Variants in FAM120B observed in about 807,000 individuals in gnomAD.
The protein encoded by FAM120B is family with sequence similarity 120 member B.
FAM120B carries 83 observed loss-of-function variants against 96.3 expected under a neutral mutation model. The observed-to-expected ratio is 0.86, with a 90% confidence interval of 0.72 to 1.03. The LOEUF (loss-of-function observed/expected upper bound fraction) is 1.03, where lower values mean the gene tolerates loss of function less well. FAM120B is among the 50% of genes least tolerant of loss of function. FAM120B has a pLI of 0.00. For synonymous variants in FAM120B, 407 were observed against 402.7 expected (o/e 1.01, Z -0.13); for missense variants, 1,027 against 1,121.2 (o/e 0.92, Z 1.20).
chr6:170,345,709 TAGAC>T (rs1787134241), intron 4 of FAM120B, among the ~76,000 whole-genome samples: 2 of 152,358 alleles, frequency 1.3e-5, no homozygotes, highest in East Asian at 1.9e-4. Context: ...TCTTGTTTAT[TAGAC>T]AGATACCTGG....
intron 7 of FAM120B, among the ~76,000 whole-genome samples, chr6:170,390,081 A>G (rs190692836): frequency 3.9e-5 from 6 of 152,306 alleles, no homozygotes; most frequent in Non-Finnish European, 7.3e-5. Flanking sequence ...GCTCATTTGG[A>G]ATGTGTTTTA....
intron 9 of FAM120B, among the ~76,000 whole-genome samples, chr6:170,400,803 A>T (rs568798676): frequency 1.3e-5 from 2 of 152,234 alleles, no homozygotes; most frequent in African/African-American, 2.4e-5. Flanking sequence ...AATGAAGTGA[A>T]GCAGGAACAT....
At chr6:170,369,835 A>C (rs894857935) in intron 6 of FAM120B, among the ~76,000 whole-genome samples, 1 of 151,912 alleles carries the variant, frequency 6.6e-6, no homozygotes, top group Admixed American at 6.6e-5. Flanking sequence ...AGTCTTTTAT[A>C]ATTTCCATGG....
At position 170,370,682 on chromosome 6, in the gene FAM120B, A is replaced by T. The variant is rs1437637288; in HGVS notation, c.2283+12364A>T. Among the ~76,000 whole-genome samples the T allele has an allele frequency of 6.6e-6, 1 of 152,208 alleles. No homozygotes were observed. The highest frequency in any genetic ancestry group is 1.5e-5 in the Non-Finnish European group (1 of 68,042). The stretch of plus-strand genomic sequence containing the variant: ...AGCAGAACTGCAGTCAGCAGTTCAG[A>T]TATTACCTCACCGCATTTCTTATAA... On this transcript the variant is annotated intron_variant, in intron 6 of 10. Transcript: ENST00000476287. The surrounding 1 kb of genome is among the most constrained non-coding windows in gnomAD (Gnocchi z 4.3).
In FAM120B at chr6:170,317,537, C is replaced by T; in HGVS notation, c.147C>T (p.Leu49=). 1 of 1,614,190 alleles carries T rather than the reference C, an allele frequency of 6.2e-7. No homozygotes were observed. Among genetic ancestry groups the T allele is most frequent in the Non-Finnish European group, 8.5e-7 (1 of 1,180,034 alleles). The change falls in exon 2 of 11, where the codon CTC becomes CTT. Residue 49 remains leucine, a synonymous_variant. Transcript: ENST00000476287. ...TTGTGGTTGATGCCATGTGTTGTCT[C>T]AGATATTGGTATACTCCAGAATCTT... ...PTIVVDAMCC[L]RYWYTPESWI...
chr6:170,292,416 C>T (rs1359773430), upstream of FAM120B, among the ~76,000 whole-genome samples: 4 of 152,114 alleles, frequency 2.6e-5, no homozygotes, highest in African/African-American at 9.7e-5. This position sits in a 1 kb window ranked among gnomAD's most constrained non-coding sequence, Gnocchi z 6.6. Flanking sequence ...TGGATCCCTG[C>T]CCACCCCCAA....
chr6:170,301,392 C>A (rs1784138296), intron 1 of FAM120B, among the ~76,000 whole-genome samples: 1 of 152,232 alleles, frequency 6.6e-6, no homozygotes, highest in Admixed American at 6.5e-5. Context: ...CCCAAGAAAC[C>A]ATTTTTCCCT....
chr6:170,361,090 G>A (rs1008606149), intron 6 of FAM120B, among the ~76,000 whole-genome samples: 2 of 151,688 alleles, frequency 1.3e-5, no homozygotes, highest in Non-Finnish European at 2.9e-5. Flanking sequence ...TCTTCTGGCA[G>A]TGGGTAAGTC....
intron 6 of FAM120B, among the ~76,000 whole-genome samples, chr6:170,361,775 T>C (rs978342607): frequency 1.3e-5 from 2 of 152,152 alleles, no homozygotes; most frequent in Non-Finnish European, 2.9e-5. Context: ...TAGATGTATG[T>C]AGGATTTAAG....
chr6:170,383,269 A>C (rs1327064851), intron 6 of FAM120B, among the ~76,000 whole-genome samples: 3 of 152,204 alleles, frequency 2.0e-5, no homozygotes, highest in Non-Finnish European at 2.9e-5. Context: ...TTCATACCAA[A>C]AGCATAATCT....
rs774313756 is a variant in FAM120B at position 170,318,059 on chromosome 6, T to A, written c.669T>A (p.Pro223=). Residue 223 remains proline, a synonymous_variant, in exon 2 of 11, where the codon CCT becomes CCA. Transcript: ENST00000476287. ...ESLGLCVADL[P]LLACLLGNDI... ...TGGGCCTCTGTGTGGCCGACCTTCC[T>A]CTTCTGGCCTGCCTCCTTGGCAACG... is the stretch of plus-strand genomic sequence containing the variant. 9.9e-6 allele frequency: 16 copies of A among 1,614,190 alleles called. No individual in the cohort carries two copies. The highest frequency in any genetic ancestry group is 1.4e-5 in the Non-Finnish European group (16 of 1,180,024).
chr6:170,290,722 C>A, upstream of FAM120B: 3 of 354,142 alleles, frequency 8.5e-6, no homozygotes, highest in South Asian at 9.7e-5. This position sits in a 1 kb window ranked among gnomAD's most constrained non-coding sequence, Gnocchi z 4.7. Context: ...CGGCGGCGGT[C>A]GTTCCGGGAG....
chr6:170,389,616 T>C (rs1250737340), intron 7 of FAM120B, among the ~76,000 whole-genome samples: 1 of 152,078 alleles, frequency 6.6e-6, no homozygotes. Context: ...TGGAATGCAG[T>C]GGTGCAATCT....
chr6:170,361,193 T>TATATATATATAC (rs1249914096), intron 6 of FAM120B, among the ~76,000 whole-genome samples: 7 of 83,990 alleles, frequency 8.3e-5, no homozygotes, highest in Non-Finnish European at 1.1e-4. Flanking sequence ...TATATATATA[T>TATATATATATAC]ACGTGTATAT....
intron 1 of FAM120B, among the ~76,000 whole-genome samples, chr6:170,296,749 C>T (rs552881187): frequency 2.0e-5 from 3 of 152,218 alleles, no homozygotes; most frequent in African/African-American, 7.2e-5. Flanking sequence ...GCTGCAGGAG[C>T]CCGCGCGGGG....
At chr6:170,397,172 C>A (rs1472322576) in intron 9 of FAM120B, among the ~76,000 whole-genome samples, 2 of 152,202 alleles carry the variant, frequency 1.3e-5, no homozygotes, top group Non-Finnish European at 2.9e-5. Flanking sequence ...AGTGCAGGGT[C>A]TGGGCTTCTG....
intron 2 of FAM120B, among the ~76,000 whole-genome samples, chr6:170,321,478 A>G (rs1427635622): frequency 6.6e-6 from 1 of 152,206 alleles, no homozygotes; most frequent in African/African-American, 2.4e-5. Context: ...CCCAGGTTCA[A>G]GCAATTCTCC....
At chr6:170,378,818 G>A (rs534708268) in intron 6 of FAM120B, among the ~76,000 whole-genome samples, 19 of 152,364 alleles carry the variant, frequency 1.2e-4, no homozygotes, top group African/African-American at 4.6e-4. Context: ...AGGGTGGGCT[G>A]CACCTTTATT....
At chr6:170,401,400 G>T (rs1175477095) in intron 9 of FAM120B, among the ~76,000 whole-genome samples, 2 of 152,144 alleles carry the variant, frequency 1.3e-5, no homozygotes, top group Admixed American at 6.5e-5. Context: ...GACATGGGGG[G>T]CTGGCAGGAG....
Sources: gnomAD v4.1 joint callset for allele counts (sites outside exome capture counted in the v4.1 genomes callset) on GRCh38, gnomAD v4.1.1 for gene constraint, Gnocchi (gnomAD v3.1) non-coding constraint, MANE v1.5 for transcripts, NCBI Gene and HGNC (gene_info 2026-07-23, HGNC 2026-07-21) for gene names.